Variants in ASXL1 observed in about 807,000 individuals in gnomAD.
ASXL1 encodes the protein ASXL transcriptional regulator 1, also known as polycomb group protein ASXL1.
In ASXL1, 65 loss-of-function variants were observed where a neutral mutation model predicts 89.1. The ratio of observed to expected loss-of-function variants is 0.73; its 90% CI spans 0.60 to 0.90. ASXL1 has a LOEUF of 0.90. Among genes scored for constraint, ASXL1 ranks in the 40% least tolerant of loss-of-function variants. The probability of loss-of-function intolerance (pLI) is 0.00; values close to 1 mark genes in which losing one functional copy is unlikely to be tolerated. For synonymous variants in ASXL1, 739 were observed against 746.9 expected (o/e 0.99, Z 0.17); for missense variants, 1,786 against 1,942.9 (o/e 0.92, Z 1.52).
intron 1 of ASXL1, chr20:32,359,078 G>A (rs866904212): frequency 3.4e-6 from 2 of 596,362 alleles, no homozygotes; most frequent in South Asian, 2.0e-5. Context: ...TTCCGGCGGA[G>A]GGGCGAGCTG....
intron 4 of ASXL1, among the ~76,000 whole-genome samples, chr20:32,385,893 G>A (rs138830763): frequency 1.3e-5 from 2 of 152,254 alleles, no homozygotes; most frequent in East Asian, 3.9e-4. Flanking sequence ...CCTTCTTTCA[G>A]TAATTTGAAT....
At chr20:32,359,419 G>C in intron 1 of ASXL1, 1 of 702,306 alleles carries the variant, frequency 1.4e-6, no homozygotes, top group Non-Finnish European at 2.6e-6. Flanking sequence ...GGCGACACCT[G>C]GGAGGCGGTT....
chr20:32,373,655 T>G (rs2048335130), intron 4 of ASXL1, among the ~76,000 whole-genome samples: 5 of 151,936 alleles, frequency 3.3e-5, no homozygotes, highest in Admixed American at 3.3e-4. Context: ...TCACTTGAGG[T>G]CAGGAGTTCG....
intron 4 of ASXL1, among the ~76,000 whole-genome samples, chr20:32,403,200 C>T (rs1376632071): frequency 6.6e-6 from 1 of 152,112 alleles, no homozygotes; most frequent in East Asian, 1.9e-4. Context: ...AGTCAGTTGG[C>T]CATATTTTGT....
chr20:32,379,359 AT>A (rs71187114), intron 4 of ASXL1, among the ~76,000 whole-genome samples: 48,433 of 142,152 alleles, frequency 0.34, 9,131 homozygotes, highest in East Asian at 0.73. Flanking sequence ...TAATTTATTT[AT>A]TTATTATTAT....
At position 32,434,986 on chromosome 20, in the gene ASXL1, A is replaced by G; in HGVS notation, c.2274A>G (p.Pro758=). The G allele has an allele frequency of 1.2e-6, 2 of 1,614,172 alleles. 1 individual carries two copies. The highest frequency in any genetic ancestry group is 4.5e-5 in the East Asian group (2 of 44,872). ...CCGTTGCTCCCACTGGGGACCAGCCATGCCAGGCCTTGCCCCTACTGTCCT... is the reference window on the plus strand; with the variant it reads ...CCGTTGCTCCCACTGGGGACCAGCCGTGCCAGGCCTTGCCCCTACTGTCCT... ...QLPVAPTGDQ[P]CQALPLLSSQ... The change falls in exon 13 of 13, where the codon CCA becomes CCG. Residue 758 remains proline (P), a synonymous_variant. Transcript: ENST00000375687.
chr20:32,381,161 C>A (rs1471997653), intron 4 of ASXL1, among the ~76,000 whole-genome samples: 1 of 152,138 alleles, frequency 6.6e-6, no homozygotes, highest in African/African-American at 2.4e-5. Context: ...CTGCATGCAA[C>A]CAAAAAAGCT....
chr20:32,415,209 A>G (rs1429594843), intron 4 of ASXL1, among the ~76,000 whole-genome samples: 10 of 151,916 alleles, frequency 6.6e-5, no homozygotes, highest in Non-Finnish European at 1.5e-5. Context: ...GGGTTTCGCC[A>G]TGTTGGCCAG....
At chr20:32,367,644 A>G (rs2048228759) in intron 2 of ASXL1, 83 bp from the exon 3 acceptor site, 1 of 776,654 alleles carries the variant, frequency 1.3e-6, no homozygotes, top group African/African-American at 1.7e-5. Context: ...GTGTAGTGTT[A>G]TAATTGTGCT....
intron 4 of ASXL1, among the ~76,000 whole-genome samples, chr20:32,411,985 T>G (rs2049056409): frequency 6.6e-6 from 1 of 152,234 alleles, no homozygotes; most frequent in Non-Finnish European, 1.5e-5. Context: ...AACACTTCTT[T>G]ACTTACCTGC....
chr20:32,421,674 A>G (rs1004628982), intron 4 of ASXL1, among the ~76,000 whole-genome samples: 1 of 152,310 alleles, frequency 6.6e-6, no homozygotes, highest in African/African-American at 2.4e-5. Flanking sequence ...TGTAATAACA[A>G]ATAATGAACT....
At chr20:32,367,664 T>G (rs904617526) in intron 2 of ASXL1, 63 bp from the exon 3 acceptor site, 20 of 779,460 alleles carry the variant, frequency 2.6e-5, no homozygotes, top group South Asian at 2.5e-4. Flanking sequence ...TTTATTTTTG[T>G]TTTTATGGGC....
chr20:32,409,497 A>G (rs1396321625), intron 4 of ASXL1, among the ~76,000 whole-genome samples: 1 of 152,240 alleles, frequency 6.6e-6, no homozygotes, highest in Non-Finnish European at 1.5e-5. Context: ...GTTATTAACA[A>G]CAAGTACATT....
chr20:32,406,129 AT>A (rs780822131), intron 4 of ASXL1, among the ~76,000 whole-genome samples: 2 of 152,166 alleles, frequency 1.3e-5, no homozygotes, highest in Non-Finnish European at 2.9e-5. Flanking sequence ...TGTTCACTCA[AT>A]CTATATTTAT....
At chr20:32,434,331 A>G in intron 12 of ASXL1, 101 bp from the exon 13 acceptor site, 2 of 1,390,040 alleles carry the variant, frequency 1.4e-6, no homozygotes, top group South Asian at 1.2e-5. Context: ...TTGATTCTGT[A>G]TGCCATGACC....
chr20:32,376,642 CTT>C (rs1490681407), intron 4 of ASXL1, among the ~76,000 whole-genome samples: 3 of 151,876 alleles, frequency 2.0e-5, no homozygotes, highest in Non-Finnish European at 4.4e-5. Context: ...CCTTTGAAAT[CTT>C]TTGGCATTTT....
intron 4 of ASXL1, among the ~76,000 whole-genome samples, chr20:32,411,215 C>CTTTTTTTTTTTTTTTTTTT (rs71187118): frequency 1.9e-5 from 1 of 53,394 alleles, no homozygotes; most frequent in Non-Finnish European, 3.2e-5. Flanking sequence ...TTTATGGATT[C>CTTTTTTTTTTTTTTTTTTT]TTTTTTTTTT....
chr20:32,382,235 G>A (rs1201715609), intron 4 of ASXL1, among the ~76,000 whole-genome samples: 2 of 151,706 alleles, frequency 1.3e-5, no homozygotes, highest in Non-Finnish European at 2.9e-5. Flanking sequence ...TTGACCTCCC[G>A]AAGTCCTGGG....
At chr20:32,408,665 G>T (rs752221564) in intron 4 of ASXL1, among the ~76,000 whole-genome samples, 1 of 152,094 alleles carries the variant, frequency 6.6e-6, no homozygotes, top group African/African-American at 2.4e-5. Flanking sequence ...CCATCCTCCT[G>T]CCTCAAGCTC....
Sources: allele counts gnomAD v4.1 joint callset (sites outside exome capture counted in the v4.1 genomes callset), GRCh38; gene constraint gnomAD v4.1.1; transcripts MANE v1.5; gene names NCBI Gene and HGNC (gene_info 2026-07-23, HGNC 2026-07-21).